The following GPC5 variants were observed in gnomAD, a reference collection of about 807,000 sequenced individuals.
GPC5 encodes the protein glypican-5.
A neutral mutation model predicts 53.9 loss-of-function variants in GPC5; 47 were observed. That is an observed-to-expected ratio of 0.87 (90% confidence interval 0.69 to 1.11). The LOEUF is 1.11. Among genes scored for constraint, GPC5 ranks in the 50% most tolerant of loss-of-function variants. The probability of loss-of-function intolerance (pLI) is 0.00; values close to 1 mark genes in which losing one functional copy is unlikely to be tolerated. For missense variants in GPC5, 748 were observed against 713.1 expected, an observed-to-expected ratio of 1.05 and a Z score of -0.56; for synonymous variants, 286 against 263.3, an observed-to-expected ratio of 1.09 and a Z score of -0.84.
intron 2 of GPC5, among the ~76,000 whole-genome samples, chr13:91,664,676 A>G (rs1441866356): frequency 6.6e-6 from 1 of 152,236 alleles, no homozygotes; most frequent in Admixed American, 6.5e-5. Flanking sequence ...CTAATATTCC[A>G]TGCTCTGCGT....
At chr13:91,984,747 C>T (rs1202178959) in intron 6 of GPC5, among the ~76,000 whole-genome samples, 2 of 152,046 alleles carry the variant, frequency 1.3e-5, no homozygotes, top group Admixed American at 1.3e-4. Context: ...TTTTCTTTTT[C>T]ATTAAAAAGC....
chr13:91,431,641 G>A (rs1291786800), intron 1 of GPC5, among the ~76,000 whole-genome samples: 1 of 152,208 alleles, frequency 6.6e-6, no homozygotes, highest in South Asian at 2.1e-4. Context: ...AATTGGTTCT[G>A]TCTGAGTCAT....
At chr13:92,266,273 C>T (rs763065455) in intron 7 of GPC5, among the ~76,000 whole-genome samples, 18 of 152,016 alleles carry the variant, frequency 1.2e-4, no homozygotes, top group African/African-American at 1.7e-4. Flanking sequence ...CCAGTTGATA[C>T]GGATTAGAGT....
At chr13:91,997,677 C>T (rs1450285544) in intron 6 of GPC5, among the ~76,000 whole-genome samples, 2 of 152,094 alleles carry the variant, frequency 1.3e-5, no homozygotes, top group African/African-American at 4.8e-5. Flanking sequence ...GGACACCACA[C>T]ACAGCTAATT....
At chr13:92,540,307 C>T (rs1422975379) in intron 7 of GPC5, among the ~76,000 whole-genome samples, 2 of 151,994 alleles carry the variant, frequency 1.3e-5, no homozygotes, top group Non-Finnish European at 2.9e-5. Flanking sequence ...TGCTATGTAG[C>T]TTCCTAGCTG....
In GPC5 at chr13:92,313,834, A is replaced by G. The variant is rs139973178; in HGVS notation, c.1561+168845A>G. On this transcript the variant is annotated intron_variant, in intron 7 of 7. Coordinates refer to ENST00000377067, the MANE Select transcript of GPC5 (RefSeq NM_004466.6). ...TAGACACCTTTCTTTTATCTCCTAT[A>G]CTCTTACCGATTGCTCCATTTTAGC... 2.0e-3 allele frequency among the ~76,000 whole-genome samples: 310 copies of G among 152,024 alleles called. 4 individuals are homozygous for G. Among genetic ancestry groups the G allele is most frequent in the African/African-American group, 7.1e-3 (296 of 41,432 alleles).
intron 5 of GPC5, among the ~76,000 whole-genome samples, chr13:91,834,314 T>C (rs1233097610): frequency 1.3e-5 from 2 of 152,154 alleles, no homozygotes; most frequent in Admixed American, 6.5e-5. Flanking sequence ...AAAAGGGCCA[T>C]ACTGTCCAAA....
chr13:92,272,490 A>G (rs1349312630), intron 7 of GPC5, among the ~76,000 whole-genome samples: 1 of 152,204 alleles, frequency 6.6e-6, no homozygotes, highest in Non-Finnish European at 1.5e-5. Context: ...TTCTGCCATC[A>G]CAGCCACTGA....
At chr13:92,852,093 G>T (rs114584150) in intron 7 of GPC5, among the ~76,000 whole-genome samples, 1 of 152,204 alleles carries the variant, frequency 6.6e-6, no homozygotes, top group African/African-American at 2.4e-5. Flanking sequence ...GAGGCATCAG[G>T]GCACTCAACC....
At chr13:92,048,235 C>G (rs1232009534) in intron 6 of GPC5, among the ~76,000 whole-genome samples, 2 of 151,652 alleles carry the variant, frequency 1.3e-5, no homozygotes, top group African/African-American at 4.8e-5. Flanking sequence ...TTTCATATTA[C>G]AAATAATAGT....
At chr13:92,044,695 G>A (rs1320572413) in intron 6 of GPC5, among the ~76,000 whole-genome samples, 3 of 152,164 alleles carry the variant, frequency 2.0e-5, no homozygotes, top group South Asian at 2.1e-4. Context: ...TTATCAACCA[G>A]CTTTTAATAT....
chr13:92,841,102 T>A (rs900469704), intron 7 of GPC5, among the ~76,000 whole-genome samples: 3 of 152,148 alleles, frequency 2.0e-5, no homozygotes, highest in Non-Finnish European at 2.9e-5. Flanking sequence ...GCCCTTTTAC[T>A]CTGGCCCAAT....
intron 7 of GPC5, among the ~76,000 whole-genome samples, chr13:92,379,124 G>T (rs2043717831): frequency 6.6e-6 from 1 of 152,060 alleles, no homozygotes; most frequent in Non-Finnish European, 1.5e-5. Context: ...AATTTGGTGG[G>T]GCTCAGACAT....
intron 7 of GPC5, among the ~76,000 whole-genome samples, chr13:92,443,454 G>A (rs1877660787): frequency 6.6e-6 from 1 of 152,132 alleles, no homozygotes; most frequent in South Asian, 2.1e-4. Flanking sequence ...ATTAGAAGTT[G>A]TGAAATCACC....
chr13:92,089,528 C>T (rs375089410), intron 6 of GPC5, among the ~76,000 whole-genome samples: 1 of 152,076 alleles, frequency 6.6e-6, no homozygotes, highest in African/African-American at 2.4e-5. Context: ...TTTAAATTCA[C>T]TAATATAGCA....
intron 2 of GPC5, among the ~76,000 whole-genome samples, chr13:91,544,505 A>G (rs542703046): frequency 6.6e-6 from 1 of 152,326 alleles, no homozygotes; most frequent in East Asian, 1.9e-4. Flanking sequence ...CATTAATATT[A>G]TAAATGTTCT....
At chr13:92,210,879 TAAATC>T in intron 7 of GPC5, among the ~76,000 whole-genome samples, 1 of 152,268 alleles carries the variant, frequency 6.6e-6, no homozygotes, top group South Asian at 2.1e-4. Flanking sequence ...GGCAATGAAA[TAAATC>T]AGGCAGACAT....
intron 5 of GPC5, among the ~76,000 whole-genome samples, chr13:91,861,854 T>A (rs1270838726): frequency 6.6e-6 from 1 of 151,470 alleles, no homozygotes; most frequent in Admixed American, 6.6e-5. Context: ...TTATTTGTCT[T>A]ACAGTAATTA....
chr13:91,511,014 G>A (rs1225974504), intron 2 of GPC5, among the ~76,000 whole-genome samples: 2 of 151,868 alleles, frequency 1.3e-5, no homozygotes, highest in African/African-American at 2.4e-5. Context: ...TTGCCACCCT[G>A]AAATCAGCTC....
Sources: gnomAD v4.1 joint callset for allele counts (sites outside exome capture counted in the v4.1 genomes callset) on GRCh38, gnomAD v4.1.1 for gene constraint, MANE v1.5 for transcripts, NCBI Gene and HGNC (gene_info 2026-07-23, HGNC 2026-07-21) for gene names.